TENM2: variants seen among roughly 807,000 people sequenced by gnomAD.
TENM2 encodes the protein teneurin transmembrane protein 2, also known as teneurin-2.
TENM2 carries 52 observed loss-of-function variants against 245.2 expected under a neutral mutation model. That is an observed-to-expected ratio of 0.21 (90% CI 0.17 to 0.27). The LOEUF (loss-of-function observed/expected upper bound fraction) is 0.27. TENM2 is among the 10% of genes least tolerant of loss of function. The probability of loss-of-function intolerance (pLI) is 1.00; values close to 1 mark genes in which losing one functional copy is unlikely to be tolerated. For synonymous variants in TENM2, 1,363 were observed against 1,438.9 expected, an observed-to-expected ratio of 0.95 and a Z score of 1.19; for missense variants, 3,046 against 3,666.8, an observed-to-expected ratio of 0.83 and a Z score of 4.37.
chr5:168,099,485 G>A (rs76450283), intron 9 of TENM2, among the ~76,000 whole-genome samples: 2,440 of 152,248 alleles, frequency 0.016, 26 homozygotes, highest in Non-Finnish European at 0.025. Flanking sequence ...AAAGCTCTTA[G>A]CAGGGCACAA....
chr5:167,765,646 C>T (rs752704910), intron 2 of TENM2, among the ~76,000 whole-genome samples: 25 of 152,228 alleles, frequency 1.6e-4, no homozygotes, highest in African/African-American at 4.3e-4. Context: ...CCGCGGAGCT[C>T]GGTGAATTTA....
At chr5:167,616,916 T>C (rs956769045) in intron 2 of TENM2, among the ~76,000 whole-genome samples, 1 of 152,154 alleles carries the variant, frequency 6.6e-6, no homozygotes, top group Admixed American at 6.6e-5. Context: ...ATTTGTTCTG[T>C]AGGGAGGCCT....
At chr5:168,082,282 A>G (rs1478736868) in intron 7 of TENM2, among the ~76,000 whole-genome samples, 2 of 152,148 alleles carry the variant, frequency 1.3e-5, no homozygotes, top group African/African-American at 4.8e-5. Context: ...CAGCTCCATC[A>G]GGTTATTTAA....
At chr5:167,450,524 A>T (rs1765512602) in intron 2 of TENM2, among the ~76,000 whole-genome samples, 1 of 152,184 alleles carries the variant, frequency 6.6e-6, no homozygotes, top group South Asian at 2.1e-4. Flanking sequence ...TCTTGAATTC[A>T]TGGTGGGTAT....
chr5:167,786,914 T>C (rs1332275753), intron 2 of TENM2, among the ~76,000 whole-genome samples: 2 of 152,252 alleles, frequency 1.3e-5, no homozygotes, highest in African/African-American at 4.8e-5. Context: ...GTTATAGAAT[T>C]CTAGGTTTCT....
At chr5:167,329,937 G>A (rs1372342882) in intron 1 of TENM2, among the ~76,000 whole-genome samples, 1 of 152,084 alleles carries the variant, frequency 6.6e-6, no homozygotes, top group African/African-American at 2.4e-5. Context: ...TCTACCCTGA[G>A]TACTCTAGTA....
chr5:167,736,468 T>A (rs1760805145), intron 2 of TENM2, among the ~76,000 whole-genome samples: 1 of 152,000 alleles, frequency 6.6e-6, no homozygotes, highest in Admixed American at 6.6e-5. Context: ...TTTATAGGGG[T>A]CAAAAATGCA....
At chr5:167,190,166 C>A in the TENM2 span, among the ~76,000 whole-genome samples, 2 of 151,980 alleles carry the variant, frequency 1.3e-5, no homozygotes, top group Non-Finnish European at 2.9e-5. Flanking sequence ...GAGTCACAGC[C>A]CTCCATTGAC....
At chr5:168,072,676 G>A (rs528859492) in intron 7 of TENM2, among the ~76,000 whole-genome samples, 7 of 152,210 alleles carry the variant, frequency 4.6e-5, no homozygotes, top group South Asian at 2.1e-4. Flanking sequence ...AAGTGTTTCC[G>A]GATGAGTCTC....
chr5:168,132,239 G>T (rs1754654874), intron 12 of TENM2, among the ~76,000 whole-genome samples: 1 of 152,180 alleles, frequency 6.6e-6, no homozygotes, highest in Non-Finnish European at 1.5e-5. Flanking sequence ...GGCTTTACAA[G>T]CAGCAAGAGT....
chr5:167,229,819 G>T, the TENM2 span, among the ~76,000 whole-genome samples: 2 of 152,356 alleles, frequency 1.3e-5, no homozygotes, highest in Non-Finnish European at 1.5e-5. Flanking sequence ...ATGCTCACGT[G>T]TAAGTGATAG....
At chr5:168,208,135 T>C (rs1035105360) in intron 19 of TENM2, among the ~76,000 whole-genome samples, 8 of 152,234 alleles carry the variant, frequency 5.3e-5, no homozygotes, top group Admixed American at 1.3e-4. Context: ...CCTCCCCAGT[T>C]TTAGAACATC....
intron 2 of TENM2, among the ~76,000 whole-genome samples, chr5:167,514,489 G>A (rs1181068224): frequency 2.6e-5 from 4 of 152,170 alleles, no homozygotes; most frequent in African/African-American, 7.2e-5. Flanking sequence ...TTCATGGTTC[G>A]AAACTTGGTT....
At chr5:167,908,023 A>G (rs1009421896) in intron 3 of TENM2, among the ~76,000 whole-genome samples, 2 of 152,050 alleles carry the variant, frequency 1.3e-5, no homozygotes, top group Admixed American at 1.3e-4. Flanking sequence ...CAGTTTCCTC[A>G]TTTGTAAAAT....
intron 2 of TENM2, among the ~76,000 whole-genome samples, chr5:167,802,367 A>G (rs1248367093): frequency 6.6e-6 from 1 of 152,174 alleles, no homozygotes; most frequent in Non-Finnish European, 1.5e-5. Flanking sequence ...CTATGTGTTA[A>G]GTGGGACCCT....
the TENM2 span, among the ~76,000 whole-genome samples, chr5:167,084,327 TTATATATATATATATATA>T: frequency 6.1e-3 from 141 of 23,180 alleles, 7 homozygotes; most frequent in Admixed American, 0.018. Context: ...GCCATTTTAG[TTATATATATATATATATA>T]TATATATATA....
At chr5:167,560,298 CTTTTA>C (rs1406027092) in intron 2 of TENM2, among the ~76,000 whole-genome samples, 1 of 152,154 alleles carries the variant, frequency 6.6e-6, no homozygotes, top group African/African-American at 2.4e-5. Context: ...TGCATTTTAC[CTTTTA>C]TTACCTATTT....
chr5:167,328,204 G>T (rs371035702), intron 1 of TENM2, among the ~76,000 whole-genome samples: 7 of 91,020 alleles, frequency 7.7e-5, no homozygotes, highest in South Asian at 4.0e-4. Flanking sequence ...TTCTCATATC[G>T]TTTTTTTTTT....
chr5:167,964,770 G>T (rs1003479636), intron 4 of TENM2, among the ~76,000 whole-genome samples: 3 of 151,856 alleles, frequency 2.0e-5, no homozygotes, highest in African/African-American at 7.3e-5. Flanking sequence ...GAAACACTAA[G>T]GTGCCAGAAA....
Sources: allele counts gnomAD v4.1 joint callset (sites outside exome capture counted in the v4.1 genomes callset), GRCh38; gene constraint gnomAD v4.1.1; transcripts MANE v1.5; gene names NCBI Gene and HGNC (gene_info 2026-07-23, HGNC 2026-07-21).